AFF4: variants seen among roughly 807,000 people sequenced by gnomAD.
AFF4 encodes AF4/FMR2 family member 4.
Under a neutral mutation model 124.8 loss-of-function variants are expected in AFF4, and 13 were observed. The observed-to-expected ratio is 0.10, with a 90% CI of 0.07 to 0.17. The LOEUF (loss-of-function observed/expected upper bound fraction) is 0.17. Ranked by LOEUF, AFF4 falls within the 10% of genes least tolerant of loss-of-function variation. The pLI is 1.00. For synonymous variants in AFF4, 477 were observed against 496.1 expected, an observed-to-expected ratio of 0.96 and a Z score of 0.51; for missense variants, 1,092 against 1,403.8, an observed-to-expected ratio of 0.78 and a Z score of 3.55.
Position 132,887,996 on chromosome 5 carries a change from A to G in AFF4, c.2797-14T>C. 1 of 1,612,576 alleles carries G rather than the reference A, an allele frequency of 6.2e-7. No homozygotes were observed. The highest frequency in any genetic ancestry group is 8.5e-7 in the Non-Finnish European group (1 of 1,179,356). Reference sequence around the variant, plus strand: ...AAACCTATCAGACTGAAGAAAGGAGAATGCAAGTAATGAGTAATGATCTAC... The same window carrying G: ...AAACCTATCAGACTGAAGAAAGGAGGATGCAAGTAATGAGTAATGATCTAC... On this transcript the variant is annotated splice_polypyrimidine_tract_variant and intron_variant, in intron 15 of 20. Transcript: ENST00000265343.
At chr5:132,955,360 C>T (rs955794365) in intron 1 of AFF4, among the ~76,000 whole-genome samples, 1 of 152,100 alleles carries the variant, frequency 6.6e-6, no homozygotes, top group Admixed American at 6.6e-5. Context: ...TCACCAGGTA[C>T]CCCACCCACT....
intron 1 of AFF4, among the ~76,000 whole-genome samples, chr5:132,941,495 G>A (rs1761567612): frequency 6.6e-6 from 1 of 151,924 alleles, no homozygotes; most frequent in Non-Finnish European, 1.5e-5. Flanking sequence ...CACCACACCT[G>A]GCTAACTTTT....
intron 5 of AFF4, among the ~76,000 whole-genome samples, chr5:132,909,639 T>C (rs999656964): frequency 2.0e-5 from 3 of 152,176 alleles, no homozygotes; most frequent in East Asian, 1.9e-4. Context: ...ACAATTTCTA[T>C]GTTAGTGTAA....
chr5:132,902,453 G>A lies in AFF4; in HGVS notation c.1122C>T (p.His374=). Residue 374 remains histidine (H), a synonymous_variant, in exon 7 of 21, where the codon CAC becomes CAT. Transcript: ENST00000265343. ...RYNPSKTSNG[H]QSKSMLKDDL... is the part of the protein sequence containing the mutation. ...AGCAATAAACTTACGATTTAGACTG[G>A]TGCCCATTTGAAGTTTTAGAAGGAT... The A allele has an allele frequency of 2.5e-6, 4 of 1,608,998 alleles. No homozygotes were observed. Among genetic ancestry groups the A allele is most frequent in the Non-Finnish European group, 3.4e-6 (4 of 1,175,634 alleles).
Position 132,881,190 on chromosome 5 carries a change from G to GA in AFF4, c.3365-5dup. 6.2e-7 allele frequency: 1 copy of GA among 1,613,108 alleles called. No individual in the cohort carries two copies. Among genetic ancestry groups the GA allele is most frequent in the Non-Finnish European group, 8.5e-7 (1 of 1,179,592 alleles). On this transcript the variant is annotated splice_polypyrimidine_tract_variant and splice_region_variant and intron_variant, in intron 20 of 20. Coordinates refer to ENST00000265343, the MANE Select transcript of AFF4 (RefSeq NM_014423.4). The stretch of plus-strand genomic sequence containing the variant: ...TTATCCAGTTCAGCAAAGAATTCTA[G>GA]AAAACCAAAAACATTCATTAAATGA...
At chr5:132,952,873 A>C (rs1761877428) in intron 1 of AFF4, among the ~76,000 whole-genome samples, 1 of 152,078 alleles carries the variant, frequency 6.6e-6, no homozygotes, top group Non-Finnish European at 1.5e-5. Flanking sequence ...ACTCTAGTTT[A>C]AGTGACGGAG....
chr5:132,915,568 G>GT (rs34458324), intron 5 of AFF4, among the ~76,000 whole-genome samples: 26,798 of 122,852 alleles, frequency 0.22, 3,537 homozygotes, highest in Non-Finnish European at 0.29. Flanking sequence ...TTTTTTTTGG[G>GT]TTTTTTTTTT....
intron 5 of AFF4, among the ~76,000 whole-genome samples, chr5:132,917,700 CT>C (rs1760943410): frequency 1.2e-5 from 1 of 83,662 alleles, no homozygotes; most frequent in East Asian, 4.5e-4. Flanking sequence ...TTTTTCTTTT[CT>C]TTTCTTTTTT....
Position 132,902,351 on chromosome 5 carries a change from A to G in AFF4, c.1133+91T>C. 5.4e-6 allele frequency: 6 copies of G among 1,112,160 alleles called. No individual in the cohort carries two copies. In the South Asian group the frequency reaches 7.8e-5, roughly 14 times the overall value. The allele number at this position is 1,112,160 out of a possible 1,614,324, so 68.9% of individuals were successfully genotyped here. On this transcript the variant is annotated intron_variant, in intron 7 of 20. Coordinates refer to ENST00000265343, the MANE Select transcript of AFF4 (RefSeq NM_014423.4). ...GTGTCAGCCACCCTGCCCAGCCTCAATATTTCTAAATACTGTTCAAAATAC... is the reference window on the plus strand; with the variant it reads ...GTGTCAGCCACCCTGCCCAGCCTCAGTATTTCTAAATACTGTTCAAAATAC...
chr5:132,888,986 G>A (rs1332302020), intron 14 of AFF4, 93 bp downstream of exon 14: 14 of 1,221,426 alleles, frequency 1.1e-5, no homozygotes, highest in East Asian at 9.5e-5. Flanking sequence ...GTGAGCCACC[G>A]CGCCCGGCCA....
At chr5:132,944,293 T>TTGCAGTGAGCCGAGATCGA (rs1253464203) in intron 1 of AFF4, among the ~76,000 whole-genome samples, 1 of 151,158 alleles carries the variant, frequency 6.6e-6, no homozygotes. Context: ...GCCGAGATCG[T>TTGCAGTGAGCCGAGATCGA]GCCGCTGCAC....
At chr5:132,903,635 A>G (rs1760605545) in intron 6 of AFF4, among the ~76,000 whole-genome samples, 1 of 152,224 alleles carries the variant, frequency 6.6e-6, no homozygotes, top group Admixed American at 6.5e-5. Context: ...TATAGCAGGC[A>G]GCAGATTTTC....
chr5:132,881,025 G>A lies in AFF4; in HGVS notation c.*34C>T. 6.2e-7 allele frequency: 1 copy of A among 1,606,928 alleles called. No individual in the cohort carries two copies. Among genetic ancestry groups the A allele is most frequent in the Middle Eastern group, 1.7e-4 (1 of 6,012 alleles). ...CCTTCGTGATGTGACACAGTGTTGT[G>A]GAGAAAATCAGAGGCAACGAGAATG... On this transcript the variant is annotated 3_prime_UTR_variant, in exon 21 of 21. Coordinates refer to ENST00000265343, the MANE Select transcript of AFF4 (RefSeq NM_014423.4).
intron 14 of AFF4, among the ~76,000 whole-genome samples, 178 bp downstream of exon 14, chr5:132,888,901 T>A (rs576727095): frequency 1.9e-4 from 29 of 152,280 alleles, no homozygotes; most frequent in African/African-American, 7.0e-4. Flanking sequence ...TTTCTCCATG[T>A]TGGTCAGGCT....
chr5:132,957,036 A>C (rs1200246649), intron 1 of AFF4, among the ~76,000 whole-genome samples: 4 of 148,804 alleles, frequency 2.7e-5, no homozygotes, highest in South Asian at 2.1e-4. Context: ...AAAAAAAAAA[A>C]AAAAAAAAAA....
At chr5:132,917,705 CTTTT>C (rs58145774) in intron 5 of AFF4, among the ~76,000 whole-genome samples, 6 of 74,042 alleles carry the variant, frequency 8.1e-5, no homozygotes, top group East Asian at 7.1e-4. Flanking sequence ...CTTTTCTTTT[CTTTT>C]TTTTTTTTTT....
At chr5:132,943,005 G>A (rs1761609067) in intron 1 of AFF4, 1 of 215,182 alleles carries the variant, frequency 4.6e-6, no homozygotes, top group East Asian at 1.1e-4. Context: ...TGTGAGGGTG[G>A]TGGCACTGAT....
chr5:132,909,519 A>G (rs911674776), intron 5 of AFF4, among the ~76,000 whole-genome samples: 7 of 152,008 alleles, frequency 4.6e-5, no homozygotes, highest in African/African-American at 9.7e-5. Context: ...TACATATAGC[A>G]TATTTCGTGG....
intron 8 of AFF4, 142 bp downstream of exon 8, chr5:132,899,445 G>A: frequency 1.2e-6 from 1 of 846,384 alleles, no homozygotes; most frequent in Non-Finnish European, 1.7e-6. Flanking sequence ...TAAAAACAGA[G>A]AAGAAAACTA....
Sources: gnomAD v4.1 joint callset for allele counts (sites outside exome capture counted in the v4.1 genomes callset) on GRCh38, gnomAD v4.1.1 for gene constraint, MANE v1.5 for transcripts, NCBI Gene and HGNC (gene_info 2026-07-23, HGNC 2026-07-21) for gene names.